The following CLMP variants were observed in gnomAD, a reference collection of about 807,000 sequenced individuals.
The protein encoded by CLMP is CXADR-like membrane protein.
A neutral mutation model predicts 45.2 loss-of-function variants in CLMP; 27 were observed. The ratio of observed to expected loss-of-function variants is 0.60; its 90% CI spans 0.44 to 0.82. The LOEUF (loss-of-function observed/expected upper bound fraction) is 0.82, where lower values mean the gene tolerates loss of function less well. Ranked by LOEUF, CLMP falls within the 40% of genes least tolerant of loss-of-function variation. CLMP has a pLI of 0.00. For synonymous variants in CLMP, 167 were observed against 171.4 expected (o/e 0.97, Z 0.20); for missense variants, 403 against 448.4 (o/e 0.90, Z 0.91).
intron 3 of CLMP, 125 bp from the exon 4 acceptor site, chr11:123,083,972 G>T (rs1865834504): frequency 9.5e-7 from 1 of 1,048,086 alleles, no homozygotes; most frequent in East Asian, 2.6e-5. Context: ...CTTTTGAGTG[G>T]GGATTCAACT....
At chr11:123,126,694 G>C (rs1345232478) in intron 1 of CLMP, among the ~76,000 whole-genome samples, 1 of 152,040 alleles carries the variant, frequency 6.6e-6, no homozygotes, top group Admixed American at 6.6e-5. Flanking sequence ...TCAGAAGATC[G>C]AGACCATCCT....
intron 1 of CLMP, among the ~76,000 whole-genome samples, chr11:123,176,372 C>T (rs1861700143): frequency 1.3e-5 from 2 of 152,272 alleles, no homozygotes; most frequent in South Asian, 4.1e-4. Flanking sequence ...TTTGAAATCA[C>T]ACTTTGATGT....
At chr11:123,112,102 A>G (rs1027705122) in intron 1 of CLMP, among the ~76,000 whole-genome samples, 1 of 152,184 alleles carries the variant, frequency 6.6e-6, no homozygotes, top group Non-Finnish European at 1.5e-5. Context: ...AGAAAAGGCA[A>G]CGAGGAACGG....
intron 1 of CLMP, among the ~76,000 whole-genome samples, chr11:123,178,304 T>C (rs1182494740): frequency 6.6e-6 from 1 of 152,228 alleles, no homozygotes; most frequent in Non-Finnish European, 1.5e-5. Context: ...AGTCATTCTG[T>C]AGGAGAGGTC....
intron 5 of CLMP, among the ~76,000 whole-genome samples, chr11:123,080,351 GGAGTTTC>G (rs1405245588): frequency 7.0e-6 from 1 of 143,792 alleles, no homozygotes; most frequent in Non-Finnish European, 1.5e-5. Flanking sequence ...TTTTGGAGAT[GGAGTTTC>G]GCTCTTGTTG....
chr11:123,189,736 G>A lies in CLMP; in HGVS notation c.28+5177C>T, dbSNP rs545720867. Among the ~76,000 whole-genome samples, 39 of 152,202 alleles carry A rather than the reference G, an allele frequency of 2.6e-4. 1 individual carries two copies. The South Asian group carries it at 6.2e-3, about 24-fold the overall frequency. ...AAAGTAGAAGAAAATGGCCAGGCAC[G>A]GTGGCTAATGCCTGTAATCCCAGCC... On this transcript the variant is annotated intron_variant, in intron 1 of 6. Coordinates refer to ENST00000448775, the MANE Select transcript of CLMP (RefSeq NM_024769.5).
At chr11:123,119,009 C>T (rs1860769136) in intron 1 of CLMP, among the ~76,000 whole-genome samples, 2 of 34,182 alleles carry the variant, frequency 5.9e-5, no homozygotes, top group African/African-American at 3.2e-4. Flanking sequence ...TTCTCTCTCT[C>T]TCTCTCTCTC....
At chr11:123,104,162 T>A (rs1860499815) in intron 1 of CLMP, among the ~76,000 whole-genome samples, 1 of 128,364 alleles carries the variant, frequency 7.8e-6, no homozygotes, top group Admixed American at 8.8e-5. Flanking sequence ...TTAATCCAGA[T>A]TCTCCCTCTG....
In CLMP at chr11:123,073,318, A is replaced by T. The variant is rs986891862; in HGVS notation, c.*156T>A. On this transcript the variant is annotated 3_prime_UTR_variant, in exon 7 of 7. Transcript: ENST00000448775. ...TCCTTTTGCTTGTTTGGTATTGTATAAGGAAAATGCTCATCTGAATCTGTT... is the reference window on the plus strand; with the variant it reads ...TCCTTTTGCTTGTTTGGTATTGTATTAGGAAAATGCTCATCTGAATCTGTT... 3 of 818,766 alleles carry T rather than the reference A, an allele frequency of 3.7e-6. No homozygotes were observed. The African/African-American group carries it at 5.1e-5, about 14-fold the overall frequency. 50.7% of individuals were successfully genotyped at this position (818,766 alleles called of 1,614,324 possible).
intron 1 of CLMP, chr11:123,136,499 A>G (rs927702504): frequency 1.3e-5 from 4 of 316,338 alleles, no homozygotes; most frequent in Non-Finnish European, 2.3e-5. Flanking sequence ...CCAAGATGGA[A>G]GTCTATGGTC....
rs1865654386 is a variant in CLMP at position 123,070,053 on chromosome 11, A to G, written c.*3421T>C. On this transcript the variant is annotated 3_prime_UTR_variant, in exon 7 of 7. Transcript: ENST00000448775. ...ACTATATATGTCTTTTTGCAACAGC[A>G]GTTCCGAAATTGTTTTTATACACTG... 1 of 152,228 alleles carries G rather than the reference A, an allele frequency of 6.6e-6. No homozygotes were observed. The highest frequency in any genetic ancestry group is 1.5e-5 in the Non-Finnish European group (1 of 68,028). 9.4% of individuals were successfully genotyped at this position (152,228 alleles called of 1,614,324 possible).
intron 1 of CLMP, among the ~76,000 whole-genome samples, chr11:123,142,062 G>A (rs555858447): frequency 1.0e-3 from 150 of 148,782 alleles, no homozygotes; most frequent in African/African-American, 3.6e-3. Context: ...ACGGCCCACT[G>A]GACCCTCGAC....
intron 1 of CLMP, among the ~76,000 whole-genome samples, chr11:123,121,111 A>G: frequency 1.5e-5 from 2 of 135,166 alleles, no homozygotes; most frequent in Non-Finnish European, 1.5e-5. Context: ...TGGGCGACAG[A>G]GCGAGACTCC....
chr11:123,077,242 A>ACCC (rs34583193), intron 5 of CLMP, among the ~76,000 whole-genome samples: 1 of 150,758 alleles, frequency 6.6e-6, no homozygotes, highest in Non-Finnish European at 1.5e-5. Context: ...CAGGTGATCT[A>ACCC]CCCCCCGCCT....
At chr11:123,176,621 C>T (rs1379500462) in intron 1 of CLMP, among the ~76,000 whole-genome samples, 1 of 152,188 alleles carries the variant, frequency 6.6e-6, no homozygotes, top group African/African-American at 2.4e-5. Context: ...TCCTTAGCAC[C>T]AGCTGGGGCT....
intron 1 of CLMP, among the ~76,000 whole-genome samples, chr11:123,129,346 A>AATATATCATATGATATATTATATAAAAT (rs1565391286): frequency 3.0e-5 from 4 of 133,292 alleles, no homozygotes; most frequent in Admixed American, 8.0e-5. Context: ...ATATATATAA[A>AATATATCATATGATATATTATATAAAAT]ATATATCATA....
chr11:123,181,408 C>T (rs1200740546), intron 1 of CLMP, among the ~76,000 whole-genome samples: 4 of 152,212 alleles, frequency 2.6e-5, no homozygotes, highest in Admixed American at 6.5e-5. Flanking sequence ...TGCCCTCAAG[C>T]GATTGCTTTC....
At chr11:123,141,985 C>CTTT (rs10714246) in intron 1 of CLMP, among the ~76,000 whole-genome samples, 5 of 117,556 alleles carry the variant, frequency 4.3e-5, no homozygotes, top group Non-Finnish European at 6.8e-5. Context: ...TCCCCCCAGC[C>CTTT]TTTTTTTTTT....
At chr11:123,183,705 A>G (rs189937613) in intron 1 of CLMP, among the ~76,000 whole-genome samples, 136 of 152,244 alleles carry the variant, frequency 8.9e-4, no homozygotes, top group African/African-American at 3.2e-3. Context: ...CAAATCTCAA[A>G]TCTCAAATCT....
Sources: gnomAD v4.1 joint callset for allele counts (sites outside exome capture counted in the v4.1 genomes callset) on GRCh38, gnomAD v4.1.1 for gene constraint, MANE v1.5 for transcripts, NCBI Gene and HGNC (gene_info 2026-07-23, HGNC 2026-07-21) for gene names.